Variants in C8orf34 observed in about 807,000 individuals in gnomAD.
The protein encoded by C8orf34 is uncharacterized protein C8orf34.
A neutral mutation model predicts 68.3 loss-of-function variants in C8orf34; 65 were observed. The ratio of observed to expected loss-of-function variants is 0.95; its 90% confidence interval spans 0.78 to 1.17. C8orf34 has a LOEUF of 1.17. Among genes scored for constraint, C8orf34 ranks in the 50% most tolerant of loss-of-function variants. C8orf34 has a pLI of 0.00. For missense variants in C8orf34, 664 were observed against 655.4 expected (o/e 1.01, Z -0.14); for synonymous variants, 244 against 241.2 (o/e 1.01, Z -0.11).
intron 7 of C8orf34, chr8:68,533,400 G>T (rs538501576): frequency 3.4e-6 from 4 of 1,170,562 alleles, no homozygotes; most frequent in Non-Finnish European, 4.2e-6. Flanking sequence ...TTCTGACTAC[G>T]TAATGAAGCG....
intron 1 of C8orf34, among the ~76,000 whole-genome samples, chr8:68,378,327 C>A (rs919464901): frequency 1.1e-4 from 17 of 151,974 alleles, no homozygotes; most frequent in South Asian, 4.1e-4. Context: ...TATTTTATTT[C>A]TTTCTTATTT....
chr8:68,355,900 C>A (rs1373864099), intron 1 of C8orf34, among the ~76,000 whole-genome samples: 1 of 152,184 alleles, frequency 6.6e-6, no homozygotes, highest in East Asian at 1.9e-4. Context: ...ACACACAACT[C>A]CAACTCCCCT....
At chr8:68,744,348 C>T (rs1414455617) in intron 10 of C8orf34, among the ~76,000 whole-genome samples, 1 of 152,226 alleles carries the variant, frequency 6.6e-6, no homozygotes, top group African/African-American at 2.4e-5. Context: ...CAAAGGAATG[C>T]AGTTTCTCAC....
intron 7 of C8orf34, among the ~76,000 whole-genome samples, chr8:68,626,613 T>C (rs1818544050): frequency 6.6e-6 from 1 of 152,188 alleles, no homozygotes; most frequent in Admixed American, 6.6e-5. Flanking sequence ...AGAATCAAAA[T>C]ATCATCAACT....
chr8:68,447,789 G>C (rs1811184227), intron 3 of C8orf34: 1 of 152,170 alleles, frequency 6.6e-6, no homozygotes, highest in Admixed American at 6.5e-5. Flanking sequence ...TATATGAAGT[G>C]TTAACAACTT....
chr8:68,554,030 C>T (rs1415176048), intron 7 of C8orf34, among the ~76,000 whole-genome samples: 2 of 151,880 alleles, frequency 1.3e-5, no homozygotes, highest in Non-Finnish European at 2.9e-5. Flanking sequence ...TTTAAATGTG[C>T]TCTTTTCTCT....
intron 1 of C8orf34, among the ~76,000 whole-genome samples, chr8:68,377,737 T>C (rs1807864403): frequency 6.6e-6 from 1 of 152,170 alleles, no homozygotes; most frequent in South Asian, 2.1e-4. Context: ...GCTAAAGCAG[T>C]TTATTAGTTT....
chr8:68,504,221 A>G (rs931382469), intron 5 of C8orf34, among the ~76,000 whole-genome samples: 1 of 152,272 alleles, frequency 6.6e-6, no homozygotes, highest in South Asian at 2.1e-4. Flanking sequence ...TTTTACTTAG[A>G]ATAATGTTTT....
At chr8:68,367,657 C>T (rs1338195063) in intron 1 of C8orf34, among the ~76,000 whole-genome samples, 1 of 140,512 alleles carries the variant, frequency 7.1e-6, no homozygotes. Context: ...GAACAAAAAA[C>T]CAAACACCAC....
chr8:68,483,344 G>A (rs1036968115), intron 4 of C8orf34, among the ~76,000 whole-genome samples: 5 of 152,198 alleles, frequency 3.3e-5, no homozygotes, highest in African/African-American at 9.7e-5. Flanking sequence ...GAAAGAGGCT[G>A]CAAGTTGAAT....
chr8:68,486,709 C>G (rs1357088406), intron 4 of C8orf34, among the ~76,000 whole-genome samples: 2 of 152,118 alleles, frequency 1.3e-5, no homozygotes, highest in African/African-American at 4.8e-5. Flanking sequence ...CCGAGGCAGG[C>G]AGGGGATCTG....
rs535357488 is a variant in C8orf34, at chr8:68,591,997, A to G, written c.1106-48379A>G. ...TATTAAAAGGAACCCCCCAAATAAG[A>G]TAATCTTTTTATGAGTAAAATCACA... is the stretch of plus-strand genomic sequence containing the variant. On this transcript the variant is annotated intron_variant, in intron 7 of 13. Transcript: ENST00000518698. 6.6e-5 allele frequency among the ~76,000 whole-genome samples: 10 copies of G among 152,280 alleles called. No individual in the cohort carries two copies. In the South Asian group the frequency reaches 1.2e-3, roughly 19 times the overall value.
chr8:68,648,128 T>C (rs1296950811), intron 8 of C8orf34, among the ~76,000 whole-genome samples: 1 of 152,176 alleles, frequency 6.6e-6, no homozygotes, highest in Non-Finnish European at 1.5e-5. Flanking sequence ...AAATAGTCAA[T>C]GAGTGTCTTG....
intron 8 of C8orf34, among the ~76,000 whole-genome samples, chr8:68,705,572 A>T (rs1821138821): frequency 6.6e-6 from 1 of 152,212 alleles, no homozygotes; most frequent in Non-Finnish European, 1.5e-5. Flanking sequence ...TGGTAGAGGC[A>T]GAAACCAAAT....
intron 7 of C8orf34, among the ~76,000 whole-genome samples, chr8:68,614,414 T>C (rs1198626674): frequency 1.3e-5 from 2 of 152,318 alleles, no homozygotes; most frequent in African/African-American, 4.8e-5. Flanking sequence ...AGGGTTTTTA[T>C]GGTTTTAGGA....
intron 1 of C8orf34, among the ~76,000 whole-genome samples, chr8:68,410,288 G>A (rs1264243673): frequency 6.6e-6 from 1 of 151,864 alleles, no homozygotes; most frequent in Non-Finnish European, 1.5e-5. Context: ...CTGTACCTGT[G>A]GGCTCTGCAT....
chr8:68,567,826 C>T (rs908990035), intron 7 of C8orf34, among the ~76,000 whole-genome samples: 4 of 151,122 alleles, frequency 2.6e-5, no homozygotes, highest in Admixed American at 1.3e-4. Flanking sequence ...TTCTTGCATT[C>T]GCAACTTGGC....
At chr8:68,442,678 T>C (rs1302140385) in intron 2 of C8orf34, among the ~76,000 whole-genome samples, 1 of 152,144 alleles carries the variant, frequency 6.6e-6, no homozygotes, top group Non-Finnish European at 1.5e-5. Context: ...ATCAAGATGT[T>C]TGATGTGGAA....
At chr8:68,768,272 A>AT (rs1200486513) in intron 10 of C8orf34, among the ~76,000 whole-genome samples, 5 of 152,114 alleles carry the variant, frequency 3.3e-5, no homozygotes, top group South Asian at 2.1e-4. Flanking sequence ...CCAAGCTTAC[A>AT]TTGTATATTT....
Sources: gnomAD v4.1 joint callset for allele counts (sites outside exome capture counted in the v4.1 genomes callset) on GRCh38, gnomAD v4.1.1 for gene constraint, MANE v1.5 for transcripts, NCBI Gene and HGNC (gene_info 2026-07-23, HGNC 2026-07-21) for gene names.